Variants in UNC5C observed in about 807,000 individuals in gnomAD.
UNC5C encodes the protein netrin receptor UNC5C.
A neutral mutation model predicts 99.8 loss-of-function variants in UNC5C; 47 were observed. That is an observed-to-expected ratio of 0.47 (90% CI 0.37 to 0.60). The LOEUF (loss-of-function observed/expected upper bound fraction) is 0.60, where lower values mean the gene tolerates loss of function less well. Ranked by LOEUF, UNC5C falls within the 20% of genes least tolerant of loss-of-function variation. UNC5C has a pLI of 0.00. For synonymous variants in UNC5C, 487 were observed against 452.2 expected (o/e 1.08, Z -0.98); for missense variants, 1,062 against 1,165.9 (o/e 0.91, Z 1.30).
intron 2 of UNC5C, among the ~76,000 whole-genome samples, chr4:95,324,488 A>G (rs1296200919): frequency 6.6e-6 from 1 of 152,222 alleles, no homozygotes; most frequent in East Asian, 1.9e-4. Flanking sequence ...TACTTGAATC[A>G]TCCCTAAATC....
intron 1 of UNC5C, among the ~76,000 whole-genome samples, chr4:95,493,152 G>A (rs1578193768): frequency 6.6e-6 from 1 of 151,500 alleles, no homozygotes; most frequent in South Asian, 2.1e-4. Flanking sequence ...TAAAGATTAT[G>A]AATGCAATAA....
chr4:95,546,921 G>A (rs190727793), intron 1 of UNC5C, among the ~76,000 whole-genome samples: 8 of 152,044 alleles, frequency 5.3e-5, no homozygotes, highest in African/African-American at 1.9e-4. Flanking sequence ...TTCTCTCACC[G>A]TGCCCCGTCC....
At chr4:95,420,662 C>T (rs112422846) in intron 1 of UNC5C, among the ~76,000 whole-genome samples, 2 of 152,112 alleles carry the variant, frequency 1.3e-5, no homozygotes, top group African/African-American at 4.8e-5. Context: ...CAACGAAAAA[C>T]TGGTTTCAAT....
At chr4:95,383,084 G>C (rs1252531645) in intron 1 of UNC5C, among the ~76,000 whole-genome samples, 1 of 152,090 alleles carries the variant, frequency 6.6e-6, no homozygotes, top group Non-Finnish European at 1.5e-5. Context: ...AGCATCCCTA[G>C]AATAAACAGT....
At position 95,352,377 on chromosome 4, in the gene UNC5C, G is replaced by A. The variant is rs137972366; in HGVS notation, c.125-16746C>T. On this transcript the variant is annotated intron_variant, in intron 1 of 15. Transcript: ENST00000453304. The stretch of plus-strand genomic sequence containing the variant: ...TCTTCTCACTGCCGTTTAGGTTTCA[G>A]CTCAGGATGTACCCTGGACAAAGGG... Among the ~76,000 whole-genome samples the A allele has an allele frequency of 2.0e-3, 309 of 152,176 alleles. 2 individuals are homozygous for A. The highest frequency in any genetic ancestry group is 7.1e-3 in the African/African-American group (294 of 41,538).
At chr4:95,508,833 T>C (rs566957216) in intron 1 of UNC5C, among the ~76,000 whole-genome samples, 174 of 152,082 alleles carry the variant, frequency 1.1e-3, no homozygotes, top group African/African-American at 4.0e-3. Context: ...GTAAAGAATA[T>C]TTTTAATATA....
At chr4:95,529,280 T>C (rs1722576895) in intron 1 of UNC5C, among the ~76,000 whole-genome samples, 1 of 148,550 alleles carries the variant, frequency 6.7e-6, no homozygotes, top group African/African-American at 2.4e-5. Context: ...ATGTATGTAT[T>C]TATATGTATA....
chr4:95,357,924 A>T lies in UNC5C; in HGVS notation c.125-22293T>A, dbSNP rs115704705. Among the ~76,000 whole-genome samples the T allele has an allele frequency of 4.8e-3, 729 of 152,244 alleles. 5 individuals are homozygous for T. The highest frequency in any genetic ancestry group is 0.017 in the African/African-American group (698 of 41,534). On this transcript the variant is annotated intron_variant, in intron 1 of 15. Coordinates refer to ENST00000453304, the MANE Select transcript of UNC5C (RefSeq NM_003728.4). Reference sequence around the variant, plus strand: ...ACATACAGTGTTCAAAAACAGATAAATGGGATAATGCTATACATGTTCTGT... The same window carrying T: ...ACATACAGTGTTCAAAAACAGATAATTGGGATAATGCTATACATGTTCTGT...
chr4:95,183,181 G>A (rs1736687842), intron 13 of UNC5C, 120 bp from the exon 14 acceptor site: 1 of 986,490 alleles, frequency 1.0e-6, no homozygotes, highest in Admixed American at 2.3e-5. Context: ...CCTCACAACA[G>A]CCCTATGTTT....
At chr4:95,276,004 A>G (rs6834321) in intron 4 of UNC5C, among the ~76,000 whole-genome samples, 104,837 of 152,158 alleles carry the variant, frequency 0.69, 37,547 homozygotes, top group African/African-American at 0.9. Context: ...TTTTATGCTT[A>G]AAGATTCTTT....
chr4:95,391,757 T>TAAA (rs61515733), intron 1 of UNC5C, among the ~76,000 whole-genome samples: 2 of 125,894 alleles, frequency 1.6e-5, no homozygotes, highest in Non-Finnish European at 1.7e-5. Flanking sequence ...CCTTTCATGG[T>TAAA]AAAAAAAAAA....
At chr4:95,510,979 C>T (rs1172456038) in intron 1 of UNC5C, among the ~76,000 whole-genome samples, 3 of 152,046 alleles carry the variant, frequency 2.0e-5, no homozygotes, top group African/African-American at 7.2e-5. Flanking sequence ...CCCTGAGAAA[C>T]GGGTGGAATG....
At chr4:95,253,369 A>G (rs530975565) in intron 4 of UNC5C, among the ~76,000 whole-genome samples, 3 of 152,148 alleles carry the variant, frequency 2.0e-5, no homozygotes, top group Admixed American at 2.0e-4. Flanking sequence ...AAAGTGTTCA[A>G]TCTGCATGGT....
chr4:95,377,461 G>A (rs994078157), intron 1 of UNC5C, among the ~76,000 whole-genome samples: 3 of 152,206 alleles, frequency 2.0e-5, no homozygotes, highest in African/African-American at 4.8e-5. Context: ...CTAATTGGGT[G>A]AAGATTTATG....
chr4:95,332,246 AG>A (rs1743143575), intron 2 of UNC5C, among the ~76,000 whole-genome samples: 1 of 151,906 alleles, frequency 6.6e-6, no homozygotes, highest in African/African-American at 2.4e-5. Flanking sequence ...GAACCAAAAA[AG>A]AGCCCGCATC....
chr4:95,170,732 G>A (rs1736063789), intron 14 of UNC5C, among the ~76,000 whole-genome samples: 1 of 152,212 alleles, frequency 6.6e-6, no homozygotes, highest in Non-Finnish European at 1.5e-5. Flanking sequence ...CTTTGGGAAT[G>A]AATAGATCTG....
At chr4:95,172,417 T>G (rs1342908183) in intron 14 of UNC5C, among the ~76,000 whole-genome samples, 2 of 152,108 alleles carry the variant, frequency 1.3e-5, no homozygotes, top group African/African-American at 4.8e-5. Flanking sequence ...GATTTTTGTA[T>G]AAGGTGTAAG....
At chr4:95,532,199 G>C (rs1465150528) in intron 1 of UNC5C, among the ~76,000 whole-genome samples, 2 of 152,142 alleles carry the variant, frequency 1.3e-5, no homozygotes, top group African/African-American at 4.8e-5. Context: ...TCTGAAGTTA[G>C]AGATGGATCT....
In UNC5C at chr4:95,250,642, A is replaced by T. The variant is rs1460812360; in HGVS notation, c.620T>A (p.Ile207Lys). ...AEVEWLKNEDIIDPVEDRNFY... is the reference protein window; with the variant it reads ...AEVEWLKNEDKIDPVEDRNFY... ...ATTCCGATCTTCAACGGGATCAATT[A>T]TGTCTTCATTTTTCAACCATTCCAC... The change falls in exon 5 of 16, where the codon ATA becomes AAA. Residue 207 changes from isoleucine (I) to lysine (K), a missense_variant. This residue lies in a region of UNC5C where 249 missense variants were observed against 295.1 expected (regional missense o/e 0.84). Transcript: ENST00000453304. The T allele has an allele frequency of 2.5e-6, 4 of 1,613,862 alleles. No individual in the cohort carries two copies. The highest frequency in any genetic ancestry group is 2.5e-6 in the Non-Finnish European group (3 of 1,179,906).
Sources: gnomAD v4.1 joint callset for allele counts (sites outside exome capture counted in the v4.1 genomes callset) on GRCh38, gnomAD v4.1.1 for gene constraint, gnomAD v4.1.1 regional missense constraint, MANE v1.5 for transcripts, NCBI Gene and HGNC (gene_info 2026-07-23, HGNC 2026-07-21) for gene names.